Variants in GPHN observed in about 807,000 individuals in gnomAD.
The protein encoded by GPHN is gephyrin.
Under a neutral mutation model 95.5 loss-of-function variants are expected in GPHN, and 17 were observed. The ratio of observed to expected loss-of-function variants is 0.18; its 90% CI spans 0.12 to 0.27. GPHN has a LOEUF of 0.27. Among genes scored for constraint, GPHN ranks in the 10% least tolerant of loss-of-function variants. GPHN has a pLI of 1.00. For synonymous variants in GPHN, 320 were observed against 322.5 expected, an observed-to-expected ratio of 0.99 and a Z score of 0.08; for missense variants, 660 against 978.1, an observed-to-expected ratio of 0.67 and a Z score of 4.34.
At chr14:67,246,036 CTT>C in the GPHN span, among the ~76,000 whole-genome samples, 24 of 151,992 alleles carry the variant, frequency 1.6e-4, no homozygotes, top group African/African-American at 5.8e-4. Flanking sequence ...CCTCTTGTCT[CTT>C]TGTCAAAAGC....
At chr14:66,675,891 C>T (rs2066558544) in intron 1 of GPHN, among the ~76,000 whole-genome samples, 2 of 152,002 alleles carry the variant, frequency 1.3e-5, no homozygotes, top group African/African-American at 2.4e-5. Flanking sequence ...AATGGGCTTG[C>T]TTTCCTGATT....
chr14:67,679,461 T>C, the GPHN span, among the ~76,000 whole-genome samples: 6 of 151,164 alleles, frequency 4.0e-5, no homozygotes, highest in African/African-American at 1.5e-4. Context: ...TGGAGTGCAG[T>C]GATGCGATCT....
At chr14:67,184,635 G>T (rs1287269829), downstream of GPHN, among the ~76,000 whole-genome samples, 6 of 152,170 alleles carry the variant, frequency 3.9e-5, no homozygotes, top group Non-Finnish European at 8.8e-5. Context: ...GGAAAAAAAT[G>T]AGTTTTATGG....
intron 2 of GPHN, among the ~76,000 whole-genome samples, chr14:66,748,715 G>A (rs902578921): frequency 2.6e-5 from 4 of 151,688 alleles, no homozygotes. Context: ...ATTAGAGATG[G>A]GACCCAAATC....
intron 5 of GPHN, among the ~76,000 whole-genome samples, chr14:66,881,384 G>A (rs1434776230): frequency 6.6e-6 from 1 of 151,786 alleles, no homozygotes; most frequent in Non-Finnish European, 1.5e-5. Flanking sequence ...ATGGAATTAA[G>A]TAGTAGTTTT....
the GPHN span, chr14:67,450,062 TCAAA>T: frequency 9.0e-4 from 138 of 153,506 alleles, no homozygotes; most frequent in East Asian, 9.3e-3. Context: ...AAACTCTGTC[TCAAA>T]CAAACAAACA....
At chr14:67,459,600 G>A in the GPHN span, among the ~76,000 whole-genome samples, 8 of 152,296 alleles carry the variant, frequency 5.3e-5, no homozygotes, top group East Asian at 1.9e-4. Flanking sequence ...CTGGCTGGAC[G>A]CAAACACAGC....
chr14:66,645,519 T>G (rs2064688000), intron 1 of GPHN, among the ~76,000 whole-genome samples: 1 of 151,706 alleles, frequency 6.6e-6, no homozygotes, highest in Non-Finnish European at 1.5e-5. Context: ...AAATCCCTCC[T>G]CAGTATACTA....
At chr14:66,680,644 A>C (rs903703067) in intron 1 of GPHN, among the ~76,000 whole-genome samples, 9 of 152,242 alleles carry the variant, frequency 5.9e-5, no homozygotes, top group African/African-American at 2.2e-4. Flanking sequence ...AAATTAAAAT[A>C]ATCAGCAGGA....
intron 17 of GPHN, among the ~76,000 whole-genome samples, chr14:67,125,259 T>A (rs1198618242): frequency 6.6e-6 from 1 of 152,150 alleles, no homozygotes; most frequent in East Asian, 1.9e-4. Context: ...CTAATGGAAA[T>A]CTGTGCTGGG....
At chr14:67,175,406 C>A (rs947733150) in intron 21 of GPHN, among the ~76,000 whole-genome samples, 4 of 152,106 alleles carry the variant, frequency 2.6e-5, no homozygotes, top group Non-Finnish European at 2.9e-5. Context: ...GGTATTATTT[C>A]TGAGGCCTCT....
At chr14:67,525,415 T>C in the GPHN span, among the ~76,000 whole-genome samples, 1 of 152,256 alleles carries the variant, frequency 6.6e-6, no homozygotes, top group Non-Finnish European at 1.5e-5. Flanking sequence ...ATAATTTTAA[T>C]ACTTTACTTA....
chr14:67,288,181 G>A, the GPHN span, among the ~76,000 whole-genome samples: 3 of 152,150 alleles, frequency 2.0e-5, no homozygotes, highest in African/African-American at 7.2e-5. Context: ...CGAGGTTCAA[G>A]CGATTCTCCT....
chr14:67,674,568 G>GC, the GPHN span: 1 of 1,266,242 alleles, frequency 7.9e-7, no homozygotes, highest in Non-Finnish European at 1.0e-6. Context: ...CAGCCGCCCA[G>GC]CCCAGTGGCC....
the GPHN span, among the ~76,000 whole-genome samples, chr14:67,460,112 A>T: frequency 0.014 from 2,165 of 152,334 alleles, 56 homozygotes; most frequent in African/African-American, 0.05. Context: ...ACATACACTT[A>T]GAAAGACAAG....
intron 9 of GPHN, among the ~76,000 whole-genome samples, chr14:67,013,977 A>G (rs768559552): frequency 6.6e-6 from 1 of 152,080 alleles, no homozygotes; most frequent in Non-Finnish European, 1.5e-5. Context: ...GACTGTATCT[A>G]TTCCTTGGCC....
At chr14:66,510,971 G>A (rs140206241) in intron 1 of GPHN, among the ~76,000 whole-genome samples, 78 of 152,280 alleles carry the variant, frequency 5.1e-4, no homozygotes, top group African/African-American at 1.8e-3. Context: ...GAATGAAAAG[G>A]CAGCTACAGA....
chr14:67,382,283 C>T, the GPHN span: 24 of 500,130 alleles, frequency 4.8e-5, no homozygotes, highest in African/African-American at 3.6e-4. Flanking sequence ...CACCCCAAAA[C>T]GTAATTGCCA....
the GPHN span, chr14:67,722,500 C>G: frequency 2.6e-6 from 2 of 784,276 alleles, no homozygotes; most frequent in Non-Finnish European, 4.7e-6. Context: ...CAGAGTCAGG[C>G]TGCTGCTCAG....
Sources: allele counts gnomAD v4.1 joint callset (sites outside exome capture counted in the v4.1 genomes callset), GRCh38; gene constraint gnomAD v4.1.1; transcripts MANE v1.5; gene names NCBI Gene and HGNC (gene_info 2026-07-23, HGNC 2026-07-21).